PRRC2A: variants seen among roughly 807,000 people sequenced by gnomAD.
The protein encoded by PRRC2A is protein PRRC2A.
A neutral mutation model predicts 224.6 loss-of-function variants in PRRC2A; 59 were observed. The ratio of observed to expected loss-of-function variants is 0.26; its 90% CI spans 0.21 to 0.33. The LOEUF is 0.33. Among genes scored for constraint, PRRC2A ranks in the 10% least tolerant of loss-of-function variants. PRRC2A has a pLI of 1.00. For missense variants in PRRC2A, 3,095 were observed against 2,880.7 expected, an observed-to-expected ratio of 1.07 and a Z score of -1.70; for synonymous variants, 1,194 against 1,109.5, an observed-to-expected ratio of 1.08 and a Z score of -1.51.
chr6:31,627,905 C>T lies in PRRC2A; in HGVS notation c.1431C>T (p.Arg477=). Residue 477 remains arginine (R), a synonymous_variant, in exon 12 of 31, where the codon CGC becomes CGT. Coordinates refer to ENST00000376033, the MANE Select transcript of PRRC2A (RefSeq NM_004638.4). The surrounding 1 kb of genome is among the most constrained non-coding windows in gnomAD (Gnocchi z 5.6). ...ARRRREEEER[R]MQEERRAACA... is the part of the protein sequence containing the mutation. ...GACGGCGAGAAGAAGAGGAGCGGCG[C>T]ATGCAAGAAGAGCGCCGGGCAGCCT... 6.2e-7 allele frequency: 1 copy of T among 1,613,048 alleles called. No homozygotes were observed. The highest frequency in any genetic ancestry group is 8.5e-7 in the Non-Finnish European group (1 of 1,180,034).
In PRRC2A at chr6:31,637,143, C is replaced by T. The variant is rs770422955; in HGVS notation, c.6242+7C>T. 17 of 1,609,722 alleles carry T rather than the reference C, an allele frequency of 1.1e-5. No homozygotes were observed. In the South Asian group the frequency reaches 1.2e-4, roughly 11 times the overall value. On this transcript the variant is annotated splice_region_variant and intron_variant, in intron 29 of 30. Coordinates refer to ENST00000376033, the MANE Select transcript of PRRC2A (RefSeq NM_004638.4). ...GGACTCCCCCAACTGGAAGGTGAAA[C>T]GGAATAGGGATGTGGACTTTCCAAG...
intron 2 of PRRC2A, 112 bp downstream of exon 2, chr6:31,623,013 A>G (rs1775469521): frequency 2.1e-6 from 2 of 971,572 alleles, no homozygotes; most frequent in Non-Finnish European, 3.3e-6. Context: ...AAAAGACTAG[A>G]GGAGATTTCC....
chr6:31,630,589 A>G lies in PRRC2A; in HGVS notation c.2255-2A>G, dbSNP rs1196777768. Reference sequence around the variant, plus strand: ...ATTTTTCTTTTTCTTTGGTTTCTTCAGGCCTAGTTCCCCGAGAGCGTTCAG... The same window carrying G: ...ATTTTTCTTTTTCTTTGGTTTCTTCGGGCCTAGTTCCCCGAGAGCGTTCAG... On this transcript the variant is annotated splice_acceptor_variant, in intron 14 of 30. Coordinates refer to ENST00000376033, the MANE Select transcript of PRRC2A (RefSeq NM_004638.4). LOFTEE classifies it high-confidence loss of function. 2 of 1,614,050 alleles carry G rather than the reference A, an allele frequency of 1.2e-6. No individual in the cohort carries two copies. Among genetic ancestry groups the G allele is most frequent in the South Asian group, 2.2e-5 (2 of 91,068 alleles).
At position 31,631,706 on chromosome 6, in the gene PRRC2A, G is replaced by T. The variant is rs1197156449; in HGVS notation, c.3033G>T (p.Arg1011Ser). ...TTTCCCCTGCCCCAAGGCTTCGGAG[G>T]GACTATTCGTATGAAAGAGTGGGTC... ...GNLSPAPRLR[R>S]DYSYERVGPT... Residue 1011 changes from arginine (R) to serine (S), a missense_variant, in exon 16 of 31, where the codon AGG (arginine) becomes AGT (serine). This residue lies in a region of PRRC2A where 2,001 missense variants were observed against 1,764.9 expected (regional missense o/e 1.13). Transcript: ENST00000376033. This position sits in a 1 kb window ranked among gnomAD's most constrained non-coding sequence, Gnocchi z 4.5. The T allele has an allele frequency of 6.6e-7, 1 of 1,517,330 alleles. No individual in the cohort carries two copies. Among genetic ancestry groups the T allele is most frequent in the Non-Finnish European group, 8.8e-7 (1 of 1,134,126 alleles). The allele number at this position is 1,517,330 out of a possible 1,614,324, so 94.0% of individuals were successfully genotyped here.
In PRRC2A at chr6:31,633,527, G is replaced by A. The variant is rs866993167; in HGVS notation, c.4468G>A (p.Val1490Ile). ...LAQLSSRQGS[V>I]TAPGGHPRHK... ...CCAGCTTAGTAGCCGTCAAGGGAGT[G>A]TAACTGCACCAGGGGGTCATCCAAG... is the stretch of plus-strand genomic sequence containing the variant. The change falls in exon 17 of 31, where the codon GTA becomes ATA. Residue 1490 changes from valine to isoleucine, a missense_variant. Transcript: ENST00000376033. 1 of 1,613,116 alleles carries A rather than the reference G, an allele frequency of 6.2e-7. No homozygotes were observed. The highest frequency in any genetic ancestry group is 8.5e-7 in the Non-Finnish European group (1 of 1,180,038).
At position 31,627,313 on chromosome 6, in the gene PRRC2A, A is replaced by C; in HGVS notation, c.1290+115A>C. The C allele has an allele frequency of 1.3e-6, 1 of 746,508 alleles. No individual in the cohort carries two copies. The highest frequency in any genetic ancestry group is 2.7e-5 in the East Asian group (1 of 37,000). The allele number at this position is 746,508 out of a possible 1,614,324, so 46.2% of individuals were successfully genotyped here. The stretch of plus-strand genomic sequence containing the variant: ...GGGGTGCTAAAAATGGGCTGTGTGA[A>C]GTGCCAGGCTGCAGAACATCCTGGG... On this transcript the variant is annotated intron_variant, in intron 11 of 30. Coordinates refer to ENST00000376033, the MANE Select transcript of PRRC2A (RefSeq NM_004638.4). The surrounding 1 kb of genome is among the most constrained non-coding windows in gnomAD (Gnocchi z 5.6).
Position 31,632,743 on chromosome 6 carries a change from G to C in PRRC2A, c.4070G>C (p.Gly1357Ala). The C allele has an allele frequency of 6.2e-7, 1 of 1,613,098 alleles. No individual in the cohort carries two copies. Among genetic ancestry groups the C allele is most frequent in the Non-Finnish European group, 8.5e-7 (1 of 1,180,038 alleles). ...TPKAVGTPGG[G>A]GGGAVPGISA... The stretch of plus-strand genomic sequence containing the variant: ...AAGGCTGTGGGAACTCCTGGGGGAG[G>C]TGGAGGTGGAGCCGTACCAGGTATT... The change falls in exon 16 of 31, where the codon GGT becomes GCT. Residue 1357 changes from glycine to alanine, a missense_variant. This residue lies in a region of PRRC2A where 2,001 missense variants were observed against 1,764.9 expected (regional missense o/e 1.13). Coordinates refer to ENST00000376033, the MANE Select transcript of PRRC2A (RefSeq NM_004638.4).
Position 31,631,524 on chromosome 6 carries a change from C to G in PRRC2A, c.2851C>G (p.Pro951Ala). The G allele has an allele frequency of 6.3e-7, 1 of 1,596,950 alleles. No individual in the cohort carries two copies. ...EPGAPPRRAGPIKKPPPPTKV... is the reference protein window; with the variant it reads ...EPGAPPRRAGAIKKPPPPTKV... Reference sequence around the variant, plus strand: ...AGGGGCCCCACCCCGCCGGGCTGGGCCTATAAAGAAACCTCCACCACCTAC... The same window carrying G: ...AGGGGCCCCACCCCGCCGGGCTGGGGCTATAAAGAAACCTCCACCACCTAC... The change falls in exon 16 of 31, where the codon CCT (proline) becomes GCT (alanine). Residue 951 changes from proline to alanine, a missense_variant. Coordinates refer to ENST00000376033, the MANE Select transcript of PRRC2A (RefSeq NM_004638.4). The surrounding 1 kb of genome is among the most constrained non-coding windows in gnomAD (Gnocchi z 4.5).
intron 14 of PRRC2A, among the ~76,000 whole-genome samples, chr6:31,630,136 G>A (rs962992708): frequency 1.3e-5 from 2 of 152,110 alleles, no homozygotes; most frequent in Non-Finnish European, 2.9e-5. Flanking sequence ...GGCTAACGTG[G>A]TAAAACCCCA....
Position 31,626,049 on chromosome 6 carries a change from G to T in PRRC2A, c.869G>T (p.Gly290Val), listed in dbSNP as rs1225864606. The T allele has an allele frequency of 6.2e-7, 1 of 1,611,402 alleles. No individual in the cohort carries two copies. The highest frequency in any genetic ancestry group is 1.3e-5 in the African/African-American group (1 of 75,020). The change falls in exon 9 of 31, where the codon GGC (glycine) becomes GTC (valine). Residue 290 changes from glycine to valine, a missense_variant. Gly to Val is a moderately radical substitution (Grantham distance 109). Transcript: ENST00000376033. ...SRFPRVAGPR[G>V]SGPPMRLVEP... ...TTTCCCCGTGTGGCGGGCCCCCGAG[G>T]CTCAGGGCCACCAATGCGCTTAGTA...
chr6:31,631,738 C>A lies in PRRC2A; in HGVS notation c.3065C>A (p.Ser1022Tyr). ...TCGTATGAAAGAGTGGGTCCTACCT[C>A]TTGCCGGGGTCGGGGCCGAGGCGAG... ...DYSYERVGPT[S>Y]CRGRGRGEYF... The change falls in exon 16 of 31, where the codon TCT becomes TAT. Residue 1022 changes from serine to tyrosine, a missense_variant. This residue lies in a region of PRRC2A where 2,001 missense variants were observed against 1,764.9 expected (regional missense o/e 1.13). Transcript: ENST00000376033. This position sits in a 1 kb window ranked among gnomAD's most constrained non-coding sequence, Gnocchi z 4.5. 1 of 1,532,242 alleles carries A rather than the reference C, an allele frequency of 6.5e-7. No homozygotes were observed. The highest frequency in any genetic ancestry group is 8.8e-7 in the Non-Finnish European group (1 of 1,139,136). The allele number at this position is 1,532,242 out of a possible 1,614,324, so 94.9% of individuals were successfully genotyped here. A position where few individuals can be genotyped will look rare whatever the true frequency, so the allele number is the denominator to read the frequency against.
chr6:31,637,380 C>A (rs1167181690), intron 30 of PRRC2A, 56 bp downstream of exon 30: 4 of 1,602,328 alleles, frequency 2.5e-6, no homozygotes, highest in Non-Finnish European at 3.4e-6. Flanking sequence ...ACCTGATTTC[C>A]TGTCCTTCCG....
chr6:31,628,490 A>G, intron 12 of PRRC2A: 1 of 624,728 alleles, frequency 1.6e-6, no homozygotes, highest in Non-Finnish European at 2.6e-6. Context: ...ACACTTAGGG[A>G]GGCTTGGGGT....
chr6:31,631,792 G>T lies in PRRC2A; in HGVS notation c.3119G>T (p.Gly1040Val). 2 of 1,562,630 alleles carry T rather than the reference G, an allele frequency of 1.3e-6. No homozygotes were observed. The highest frequency in any genetic ancestry group is 8.7e-7 in the Non-Finnish European group (1 of 1,153,034). ...EYFARGRGFR[G>V]TYGGRGRGAR... Reference sequence around the variant, plus strand: ...TTTGCCAGAGGGAGGGGTTTTCGGGGGACCTATGGGGGACGAGGGCGGGGA... The same window carrying T: ...TTTGCCAGAGGGAGGGGTTTTCGGGTGACCTATGGGGGACGAGGGCGGGGA... Residue 1040 changes from glycine to valine, a missense_variant, in exon 16 of 31, where the codon GGG becomes GTG. Around this residue, in one of 8 missense-constraint regions of PRRC2A, gnomAD observed 2,001 missense variants for 1,764.9 expected, o/e 1.13. Transcript: ENST00000376033. The surrounding 1 kb of genome is among the most constrained non-coding windows in gnomAD (Gnocchi z 4.5).
rs771682422 is a variant in PRRC2A, at chr6:31,632,575, G to A, written c.3902G>A (p.Arg1301Gln). 1.1e-5 allele frequency: 18 copies of A among 1,612,558 alleles called. No individual in the cohort carries two copies. The highest frequency in any genetic ancestry group is 1.4e-5 in the Non-Finnish European group (16 of 1,179,788). The change falls in exon 16 of 31, where the codon CGG becomes CAG. Residue 1301 changes from arginine (R) to glutamine (Q), a missense_variant. Arg to Gln is a conservative substitution (Grantham distance 43, BLOSUM62 1). Around this residue, in one of 8 missense-constraint regions of PRRC2A, gnomAD observed 2,001 missense variants for 1,764.9 expected, o/e 1.13. Coordinates refer to ENST00000376033, the MANE Select transcript of PRRC2A (RefSeq NM_004638.4). The part of the protein sequence containing the change: ...TTVTVAPAPR[R>Q]AAAKSPDLSN... ...GTCACAGTGGCCCCAGCACCTCGCC[G>A]GGCAGCTGCCAAGTCTCCTGATCTG...
Position 31,636,231 on chromosome 6 carries a change from C to G in PRRC2A, c.5647C>G (p.Pro1883Ala), listed in dbSNP as rs1379067857. The G allele has an allele frequency of 6.2e-7, 1 of 1,612,864 alleles. No individual in the cohort carries two copies. The part of the protein sequence containing the change: ...PYRSQPLYLP[P>A]GPAPPSALLS... ...CAGATCACAGCCCCTATACCTACCC[C>G]CCGGCCCAGCCCCTCCCTCAGCACT... is the stretch of plus-strand genomic sequence containing the variant. Residue 1883 changes from proline (P) to alanine (A), a missense_variant, in exon 26 of 31, where the codon CCC (proline) becomes GCC (alanine). Pro to Ala is a conservative substitution (Grantham distance 27). Coordinates refer to ENST00000376033, the MANE Select transcript of PRRC2A (RefSeq NM_004638.4). The surrounding 1 kb of genome is among the most constrained non-coding windows in gnomAD (Gnocchi z 4.3).
At position 31,629,561 on chromosome 6, in the gene PRRC2A, A is replaced by T; in HGVS notation, c.1970A>T (p.Lys657Met). The T allele has an allele frequency of 1.3e-6, 2 of 1,533,508 alleles. No homozygotes were observed. Among genetic ancestry groups the T allele is most frequent in the East Asian group, 4.5e-5 (2 of 44,468 alleles). The allele number at this position is 1,533,508 out of a possible 1,614,324, so 95.0% of individuals were successfully genotyped here. A position where few individuals can be genotyped will look rare whatever the true frequency, so the allele number is the denominator to read the frequency against. ...FQRQQQEQLL[K>M]QQQQHQWQQH... Reference sequence around the variant, plus strand: ...CTCCTTTCCTAGGAGCAGCTCCTGAAGCAGCAGCAGCAGCACCAGTGGCAG... The same window carrying T: ...CTCCTTTCCTAGGAGCAGCTCCTGATGCAGCAGCAGCAGCACCAGTGGCAG... The change falls in exon 14 of 31, where the codon AAG becomes ATG. Residue 657 changes from lysine (K) to methionine (M), a missense_variant. Coordinates refer to ENST00000376033, the MANE Select transcript of PRRC2A (RefSeq NM_004638.4).
chr6:31,630,358 A>G (rs913841378), intron 14 of PRRC2A, among the ~76,000 whole-genome samples: 1 of 152,138 alleles, frequency 6.6e-6, no homozygotes. Flanking sequence ...TCAAAAATGA[A>G]TGAATGAATG....
intron 16 of PRRC2A, 65 bp from the exon 17 acceptor site, chr6:31,633,314 A>G: frequency 6.4e-7 from 1 of 1,561,334 alleles, no homozygotes; most frequent in Non-Finnish European, 8.7e-7. Context: ...GAAGTTGGGA[A>G]ACATAACTTG....
Sources: gnomAD v4.1 joint callset for allele counts (sites outside exome capture counted in the v4.1 genomes callset) on GRCh38, gnomAD v4.1.1 for gene constraint, gnomAD v4.1.1 regional missense constraint, Gnocchi (gnomAD v3.1) non-coding constraint, MANE v1.5 for transcripts, NCBI Gene and HGNC (gene_info 2026-07-23, HGNC 2026-07-21) for gene names.